The following MECOM variants were observed in gnomAD, a reference collection of about 807,000 sequenced individuals.
MECOM encodes MDS1 and EVI1 complex locus.
A neutral mutation model predicts 116.3 loss-of-function variants in MECOM; 13 were observed. The observed-to-expected ratio is 0.11, with a 90% CI of 0.07 to 0.18. MECOM has a LOEUF of 0.18. MECOM is among the 10% of genes least tolerant of loss of function. MECOM has a pLI of 1.00. For missense variants in MECOM, 1,299 were observed against 1,509.0 expected (o/e 0.86, Z 2.31); for synonymous variants, 528 against 535.2 (o/e 0.99, Z 0.19).
intron 1 of MECOM, among the ~76,000 whole-genome samples, chr3:169,522,061 G>C (rs1367139177): frequency 1.3e-5 from 2 of 152,044 alleles, no homozygotes; most frequent in African/African-American, 4.8e-5. Flanking sequence ...ATCCGTGAAG[G>C]GTCCTGGAAT....
chr3:169,502,694 T>C (rs1754679116), intron 1 of MECOM, among the ~76,000 whole-genome samples: 1 of 152,148 alleles, frequency 6.6e-6, no homozygotes, highest in Admixed American at 6.5e-5. Flanking sequence ...GGTTTTCCAA[T>C]GGTAAAAATG....
At chr3:169,569,281 C>T (rs1228434690) in intron 1 of MECOM, among the ~76,000 whole-genome samples, 1 of 151,852 alleles carries the variant, frequency 6.6e-6, no homozygotes, top group African/African-American at 2.4e-5. Context: ...ATCAATGCAA[C>T]AAGAAGAGCT....
chr3:169,377,800 C>T (rs1486040195), intron 2 of MECOM, among the ~76,000 whole-genome samples: 1 of 152,032 alleles, frequency 6.6e-6, no homozygotes, highest in East Asian at 1.9e-4. Context: ...AATACCATTT[C>T]ACCCAGCAAT....
At chr3:169,134,318 G>T (rs1735709709) in intron 3 of MECOM, among the ~76,000 whole-genome samples, 1 of 152,162 alleles carries the variant, frequency 6.6e-6, no homozygotes, top group South Asian at 2.1e-4. Flanking sequence ...AGTCCAGATT[G>T]TCATGTGAAG....
At chr3:169,219,201 G>A (rs1431198972) in intron 2 of MECOM, among the ~76,000 whole-genome samples, 2 of 151,904 alleles carry the variant, frequency 1.3e-5, no homozygotes, top group Non-Finnish European at 2.9e-5. Flanking sequence ...ATCTATATTA[G>A]GTCCTTTAAA....
chr3:169,216,576 G>GAAA (rs1751443580), intron 2 of MECOM, among the ~76,000 whole-genome samples: 1 of 109,788 alleles, frequency 9.1e-6, no homozygotes, highest in African/African-American at 3.5e-5. Flanking sequence ...ACCTTCTCTA[G>GAAA]TAAAAAAAAA....
chr3:169,632,612 C>T (rs1346246031), intron 1 of MECOM, among the ~76,000 whole-genome samples: 1 of 152,228 alleles, frequency 6.6e-6, no homozygotes, highest in Non-Finnish European at 1.5e-5. Context: ...ATTCCATACT[C>T]TCCAAGTTTA....
At position 169,122,716 on chromosome 3, in the gene MECOM, T is replaced by A; in HGVS notation, c.842A>T (p.His281Leu). 1 of 1,613,890 alleles carries A rather than the reference T, an allele frequency of 6.2e-7. No homozygotes were observed. The highest frequency in any genetic ancestry group is 1.3e-5 in the African/African-American group (1 of 75,068). Residue 281 changes from histidine (H) to leucine (L), a missense_variant, in exon 6 of 17, where the codon CAC becomes CTC. Physicochemically the swap from His to Leu is moderately conservative, Grantham distance 99. Transcript: ENST00000651503. ...CCTCTCTTCAGTATGTGACAGCATG[T>A]GTTTCTCCAGGCTGTTAAGAGAACA... The part of the protein sequence containing the change: ...VFPDLQSLEK[H>L]MLSHTEEREY...
At chr3:169,093,124 T>C in intron 13 of MECOM, 22 bp from the exon 14 acceptor site, 1 of 1,568,268 alleles carries the variant, frequency 6.4e-7, no homozygotes, top group Non-Finnish European at 8.6e-7. Flanking sequence ...AGAAAGCCTT[T>C]TATGACAAAG....
intron 1 of MECOM, among the ~76,000 whole-genome samples, chr3:169,531,484 T>C (rs1758617813): frequency 6.6e-6 from 1 of 152,136 alleles, no homozygotes; most frequent in South Asian, 2.1e-4. Context: ...CATAACCTCA[T>C]CAGAGAGGCA....
intron 2 of MECOM, among the ~76,000 whole-genome samples, chr3:169,213,699 G>A (rs149311914): frequency 6.6e-6 from 1 of 152,032 alleles, no homozygotes; most frequent in Non-Finnish European, 1.5e-5. Flanking sequence ...TTATGTTTTG[G>A]TACTCTTTAA....
chr3:169,564,803 C>T (rs150021266), intron 1 of MECOM, among the ~76,000 whole-genome samples: 69 of 151,616 alleles, frequency 4.6e-4, no homozygotes, highest in African/African-American at 1.6e-3. Flanking sequence ...AACCATAGCG[C>T]TTCAGGTGTC....
intron 2 of MECOM, among the ~76,000 whole-genome samples, chr3:169,250,285 C>A (rs1414783413): frequency 2.0e-5 from 3 of 152,186 alleles, no homozygotes; most frequent in Admixed American, 1.3e-4. Flanking sequence ...GCCAGTTCAC[C>A]TTAATTTTTT....
At chr3:169,518,790 G>A (rs1023265846) in intron 1 of MECOM, among the ~76,000 whole-genome samples, 19 of 152,084 alleles carry the variant, frequency 1.2e-4, no homozygotes, top group African/African-American at 2.4e-4. Flanking sequence ...TCTTTTCTGC[G>A]CTGTTCTCAT....
At chr3:169,396,339 A>T (rs1451889118) in intron 1 of MECOM, among the ~76,000 whole-genome samples, 1 of 152,190 alleles carries the variant, frequency 6.6e-6, no homozygotes, top group East Asian at 1.9e-4. Flanking sequence ...ATGCTGTCAT[A>T]TATGGTACCC....
In MECOM at chr3:169,151,177, G is replaced by A. The variant is rs574275338; in HGVS notation, c.376-7345C>T. 2.2e-4 allele frequency among the ~76,000 whole-genome samples: 34 copies of A among 152,268 alleles called. No individual in the cohort carries two copies. The South Asian group carries it at 5.4e-3, about 24-fold the overall frequency. On this transcript the variant is annotated intron_variant, in intron 2 of 16. Transcript: ENST00000651503. ...GACCCTATGGGCATGGTACATTCCAGCACATCATTAAAGGAAAGAAAAGCA... is the reference window on the plus strand; with the variant it reads ...GACCCTATGGGCATGGTACATTCCAACACATCATTAAAGGAAAGAAAAGCA...
intron 2 of MECOM, among the ~76,000 whole-genome samples, chr3:169,378,468 AGCAAGC>A (rs1731616320): frequency 1.9e-5 from 1 of 52,232 alleles, no homozygotes; most frequent in African/African-American, 1.7e-4. Flanking sequence ...CAAGCAAGCA[AGCAAGC>A]AAGAAAGAGA....
chr3:169,484,086 T>C, intron 1 of MECOM: 1 of 903,332 alleles, frequency 1.1e-6, no homozygotes, highest in Non-Finnish European at 1.7e-6. Flanking sequence ...TAAAATAATC[T>C]ATTGTTATTC....
At chr3:169,326,291 C>T (rs62293343) in intron 2 of MECOM, among the ~76,000 whole-genome samples, 9,604 of 151,928 alleles carry the variant, frequency 0.063, 330 homozygotes, top group African/African-American at 0.082. Flanking sequence ...TTCAAAGAAA[C>T]GAAAAATTAT....
Sources: gnomAD v4.1 joint callset for allele counts (sites outside exome capture counted in the v4.1 genomes callset) on GRCh38, gnomAD v4.1.1 for gene constraint, MANE v1.5 for transcripts, NCBI Gene and HGNC (gene_info 2026-07-23, HGNC 2026-07-21) for gene names.